SLCO1B3: variants seen among roughly 807,000 people sequenced by gnomAD.
The protein encoded by SLCO1B3 is liver-specific organic anion transporter 2.
Under a neutral mutation model 71.8 loss-of-function variants are expected in SLCO1B3, and 72 were observed. That is an observed-to-expected ratio of 1.00 (90% CI 0.83 to 1.22). The LOEUF is 1.22. SLCO1B3 is among the 50% of genes most tolerant of loss of function. SLCO1B3 has a pLI of 0.00. For missense variants in SLCO1B3, 911 were observed against 819.7 expected (o/e 1.11, Z -1.36); for synonymous variants, 298 against 278.4 (o/e 1.07, Z -0.70).
intron 3 of SLCO1B3, among the ~76,000 whole-genome samples, chr12:20,851,522 TTTG>T (rs1350105426): frequency 3.3e-5 from 5 of 152,206 alleles, no homozygotes; most frequent in Non-Finnish European, 1.5e-5. Context: ...TTATTTGTTT[TTTG>T]TTGTTGTTAA....
At chr12:20,820,810 T>C (rs1003050501) in intron 3 of SLCO1B3, among the ~76,000 whole-genome samples, 3 of 152,042 alleles carry the variant, frequency 2.0e-5, no homozygotes, top group South Asian at 2.1e-4. Flanking sequence ...TGGGTTTTTA[T>C]ATTTGATGAA....
At chr12:20,839,602 T>C (rs1485437329) in intron 3 of SLCO1B3, among the ~76,000 whole-genome samples, 1 of 152,138 alleles carries the variant, frequency 6.6e-6, no homozygotes, top group Non-Finnish European at 1.5e-5. Flanking sequence ...CCCTTGTCTT[T>C]GATTTTGTGT....
Position 20,815,655 on chromosome 12 carries a change from A to T in SLCO1B3, c.-65-19A>T. On this transcript the variant is annotated intron_variant, in intron 2 of 15. Coordinates refer to ENST00000381545, the MANE Select transcript of SLCO1B3 (RefSeq NM_019844.4). Reference sequence around the variant, plus strand: ...ATATTGTTAAAGTAAAATAAATTATACTTTTTCTTTTTTAACAGGTGATCA... The same window carrying T: ...ATATTGTTAAAGTAAAATAAATTATTCTTTTTCTTTTTTAACAGGTGATCA... The T allele has an allele frequency of 1.2e-6, 1 of 853,162 alleles. No individual in the cohort carries two copies. Among genetic ancestry groups the T allele is most frequent in the Non-Finnish European group, 1.9e-6 (1 of 528,330 alleles). The allele number at this position is 853,162 out of a possible 1,614,324, so 52.8% of individuals were successfully genotyped here.
Position 20,886,181 on chromosome 12 carries a change from G to C in SLCO1B3, c.1682+2579G>C, listed in dbSNP as rs545614436. ...AGATGGTGATACTATTGAACAAAAG[G>C]GGAAACACTAAGGAAGGGTAGTTTG... On this transcript the variant is annotated intron_variant, in intron 13 of 15. Transcript: ENST00000381545. Among the ~76,000 whole-genome samples the C allele has an allele frequency of 3.3e-5, 5 of 152,128 alleles. No individual in the cohort carries two copies. In the South Asian group the frequency reaches 1.0e-3, roughly 32 times the overall value.
At chr12:20,871,113 C>T (rs1416374319) in intron 8 of SLCO1B3, among the ~76,000 whole-genome samples, 2 of 152,040 alleles carry the variant, frequency 1.3e-5, no homozygotes, top group African/African-American at 4.8e-5. Flanking sequence ...ATATTTGCAT[C>T]AATATTCATC....
At chr12:20,901,737 A>G (rs1866137623) in intron 15 of SLCO1B3, among the ~76,000 whole-genome samples, 1 of 152,204 alleles carries the variant, frequency 6.6e-6, no homozygotes. Flanking sequence ...TTGCACAACT[A>G]AAAGAAATAC....
chr12:20,833,479 CAT>C (rs996299331), intron 3 of SLCO1B3, among the ~76,000 whole-genome samples: 2 of 148,688 alleles, frequency 1.3e-5, no homozygotes, highest in African/African-American at 4.9e-5. Flanking sequence ...TATATACACA[CAT>C]ATACACAGAT....
At position 20,911,394 on chromosome 12, in the gene SLCO1B3, C is replaced by G. The variant is rs184847034; in HGVS notation, c.1866-4610C>G. The stretch of plus-strand genomic sequence containing the variant: ...ACCTGTATTTGTGAGATGTATCGCT[C>G]TGTAGTTTTCTTTTCTTGTAATGTT... On this transcript the variant is annotated intron_variant, in intron 15 of 15. Coordinates refer to ENST00000381545, the MANE Select transcript of SLCO1B3 (RefSeq NM_019844.4). 2.0e-5 allele frequency among the ~76,000 whole-genome samples: 3 copies of G among 152,144 alleles called. No individual in the cohort carries two copies. The South Asian group carries it at 6.2e-4, about 32-fold the overall frequency.
chr12:20,844,232 GATACCTTACATATAT>G (rs1456996455), intron 3 of SLCO1B3, among the ~76,000 whole-genome samples: 1 of 151,682 alleles, frequency 6.6e-6, no homozygotes, highest in Admixed American at 6.6e-5. Context: ...GTTATATAAA[GATACCTTACATATAT>G]ATATGTATGT....
chr12:20,843,924 CTA>C (rs1864853884), intron 3 of SLCO1B3, among the ~76,000 whole-genome samples: 1 of 151,786 alleles, frequency 6.6e-6, no homozygotes, highest in Non-Finnish European at 1.5e-5. Context: ...ATGTGTGTCC[CTA>C]TGTCTTTTGC....
intron 15 of SLCO1B3, among the ~76,000 whole-genome samples, chr12:20,914,214 C>A (rs556710926): frequency 6.6e-6 from 1 of 152,096 alleles, no homozygotes; most frequent in African/African-American, 2.4e-5. Context: ...TCTGTCTTCC[C>A]GTTTTGTTTT....
At chr12:20,899,344 G>A (rs1033839278) in intron 14 of SLCO1B3, among the ~76,000 whole-genome samples, 5 of 152,102 alleles carry the variant, frequency 3.3e-5, no homozygotes, top group Admixed American at 2.0e-4. Flanking sequence ...ATTCATCTAG[G>A]GATTGGTGCA....
chr12:20,885,157 T>C lies in SLCO1B3; in HGVS notation c.1682+1555T>C, dbSNP rs189977376. 1.3e-3 allele frequency among the ~76,000 whole-genome samples: 201 copies of C among 152,294 alleles called. 1 individual carries two copies. The highest frequency in any genetic ancestry group is 2.2e-3 in the Non-Finnish European group (153 of 68,010). On this transcript the variant is annotated intron_variant, in intron 13 of 15. Transcript: ENST00000381545. ...GTGATTAAATCAACATTACCACTTA[T>C]CAGAGCATTTATTAATTTCTCACCT...
intron 1 of SLCO1B3, among the ~76,000 whole-genome samples, chr12:20,811,443 A>T (rs1056611928): frequency 1.6e-4 from 24 of 152,196 alleles, no homozygotes; most frequent in Admixed American, 1.2e-3. Flanking sequence ...TAAGGTGGGG[A>T]TGCAGAAATT....
chr12:20,880,917 G>C lies in SLCO1B3; in HGVS notation c.1394G>C (p.Cys465Ser). The change falls in exon 12 of 16, where the codon TGT becomes TCT. Residue 465 changes from cysteine to serine, a missense_variant. Coordinates refer to ENST00000381545, the MANE Select transcript of SLCO1B3 (RefSeq NM_019844.4). ...PLSYCNSECN[C>S]DESQWEPVCG... ...TCTTATTGCAACTCAGAGTGCAATT[G>C]TGATGAAAGTCAGTGGGAACCAGTC... The C allele has an allele frequency of 6.2e-7, 1 of 1,611,508 alleles. No homozygotes were observed. Among genetic ancestry groups the C allele is most frequent in the Non-Finnish European group, 8.5e-7 (1 of 1,177,826 alleles).
At chr12:20,819,279 G>C (rs34043444) in intron 3 of SLCO1B3, among the ~76,000 whole-genome samples, 42,116 of 152,090 alleles carry the variant, frequency 0.28, 5,964 homozygotes, top group African/African-American at 0.31. Flanking sequence ...ACGATCATCA[G>C]GGAGAGCATG....
intron 5 of SLCO1B3, among the ~76,000 whole-genome samples, chr12:20,859,490 T>TACC (rs1865210116): frequency 1.4e-5 from 2 of 140,456 alleles, no homozygotes; most frequent in African/African-American, 5.0e-5. Context: ...TCTGTTTTTT[T>TACC]CCCCCTCTAC....
intron 15 of SLCO1B3, among the ~76,000 whole-genome samples, chr12:20,913,656 C>T (rs969861202): frequency 3.3e-5 from 5 of 152,118 alleles, no homozygotes; most frequent in African/African-American, 1.2e-4. Flanking sequence ...GTATATCTTC[C>T]TCAGTCTAAT....
rs371185830 is a variant in SLCO1B3, at chr12:20,855,578, T to A, written c.226+409T>A. Among the ~76,000 whole-genome samples the A allele has an allele frequency of 3.2e-4, 49 of 152,016 alleles. No individual in the cohort carries two copies. The East Asian group carries it at 4.3e-3, about 13-fold the overall frequency. ...TGAGGGAGGACGATAATTCTTATGG[T>A]TTTAGGTGGAAGGACTGCATAGGAG... is the stretch of plus-strand genomic sequence containing the variant. On this transcript the variant is annotated intron_variant, in intron 4 of 15. Transcript: ENST00000381545.
Sources: allele counts gnomAD v4.1 joint callset (sites outside exome capture counted in the v4.1 genomes callset), GRCh38; gene constraint gnomAD v4.1.1; transcripts MANE v1.5; gene names NCBI Gene and HGNC (gene_info 2026-07-23, HGNC 2026-07-21).